Variants in NT5DC2 observed in about 807,000 individuals in gnomAD.
NT5DC2 encodes 5'-nucleotidase domain containing 2.
In NT5DC2, 41 loss-of-function variants were observed where a neutral mutation model predicts 70.0. The observed-to-expected ratio is 0.59, with a 90% CI of 0.46 to 0.76. NT5DC2 has a LOEUF of 0.76. Among genes scored for constraint, NT5DC2 ranks in the 30% least tolerant of loss-of-function variants. NT5DC2 has a pLI of 0.00. For missense variants in NT5DC2, 705 were observed against 783.2 expected (o/e 0.90, Z 1.19); for synonymous variants, 299 against 310.4 (o/e 0.96, Z 0.39).
Position 52,529,682 on chromosome 3 carries a change from G to A in NT5DC2, c.233-348C>T, listed in dbSNP as rs2079334157. On this transcript the variant is annotated intron_variant, in intron 1 of 13. Transcript: ENST00000422318. This position sits in a 1 kb window ranked among gnomAD's most constrained non-coding sequence, Gnocchi z 4.1. The stretch of plus-strand genomic sequence containing the variant: ...ACAAGGCCATGCTAGAACCCTGGCA[G>A]CAGTCACTCAACTCCTCACCGCCTA... Among the ~76,000 whole-genome samples, 1 of 152,142 alleles carries A rather than the reference G, an allele frequency of 6.6e-6. No homozygotes were observed. The highest frequency in any genetic ancestry group is 1.5e-5 in the Non-Finnish European group (1 of 68,018).
Position 52,524,723 on chromosome 3 carries a change from G to GTGA in NT5DC2, c.1418_1420dup (p.Ile473dup), listed in dbSNP as rs765495632. 6.2e-7 allele frequency: 1 copy of GTGA among 1,612,742 alleles called. No individual in the cohort carries two copies. The highest frequency in any genetic ancestry group is 1.7e-5 in the Admixed American group (1 of 60,026). ...GAACTGCGCATTGAACAGGGCCTTG[G>GTGA]TGATGCACCTGGCGAGGGAGACACG... On this transcript the variant is annotated inframe_insertion, in exon 14 of 14. Transcript: ENST00000422318.
chr3:52,524,848 C>A lies in NT5DC2; in HGVS notation c.1381G>T (p.Ala461Ser), dbSNP rs1246349357. Residue 461 changes from alanine (A) to serine (S), a missense_variant, in exon 13 of 14, where the codon GCT becomes TCT. Transcript: ENST00000422318. The stretch of plus-strand genomic sequence containing the variant: ...TCCTGCCGCTCTTTCATCCAGGCAG[C>A]CAGCACCTGCCTCGACTCCGCGTCC... ...YQDAESRQVL[A>S]AWMKERQELR... is the part of the protein sequence containing the mutation. 1 of 1,612,618 alleles carries A rather than the reference C, an allele frequency of 6.2e-7. No homozygotes were observed. The highest frequency in any genetic ancestry group is 8.5e-7 in the Non-Finnish European group (1 of 1,180,026).
chr3:52,529,276 G>A lies in NT5DC2; in HGVS notation c.291C>T (p.Asn97=), dbSNP rs148646310. The change falls in exon 2 of 14, where the codon AAC becomes AAT. Residue 97 remains asparagine, a synonymous_variant. Coordinates refer to ENST00000422318, the MANE Select transcript of NT5DC2 (RefSeq NM_001134231.2). This position sits in a 1 kb window ranked among gnomAD's most constrained non-coding sequence, Gnocchi z 4.1. ...CCTCAACGTCACGCAGGCTGATCTCGTTGTTGGCGTAGATGGCTGCTGGGT... is the reference window on the plus strand; with the variant it reads ...CCTCAACGTCACGCAGGCTGATCTCATTGTTGGCGTAGATGGCTGCTGGGT... ...LLNPAAIYAN[N]EISLRDVEVY... is the part of the protein sequence containing the mutation. 30 of 1,613,944 alleles carry A rather than the reference G, an allele frequency of 1.9e-5. No individual in the cohort carries two copies. Among genetic ancestry groups the A allele is most frequent in the African/African-American group, 9.3e-5 (7 of 75,020 alleles).
rs762941427 is a variant in NT5DC2, at chr3:52,528,183, C to A, written c.771G>T (p.Thr257=). 7.4e-6 allele frequency: 12 copies of A among 1,613,016 alleles called. No homozygotes were observed. In the East Asian group the frequency reaches 2.4e-4, roughly 33 times the overall value. ...CCGAGGGCAGGCCCAGCATCCTCACCGTCACGTCCTTGTAGAGATGTGCTT... is the reference window on the plus strand; with the variant it reads ...CCGAGGGCAGGCCCAGCATCCTCACAGTCACGTCCTTGTAGAGATGTGCTT... ...FDQAHLYKDV[T]DAIRDVHVKG... is the part of the protein sequence containing the mutation. The change falls in exon 6 of 14, where the codon ACG becomes ACT. Residue 257 remains threonine, a splice_region_variant and synonymous_variant. Transcript: ENST00000422318.
rs555086801 is a variant in NT5DC2 at position 52,527,847 on chromosome 3, T to C, written c.917A>G (p.Asn306Ser). The C allele has an allele frequency of 1.1e-5, 18 of 1,613,400 alleles. No homozygotes were observed. The highest frequency in any genetic ancestry group is 7.7e-5 in the South Asian group (7 of 91,090). ...AHGKQLFLIT[N>S]SPFSFVDKGM... The stretch of plus-strand genomic sequence containing the variant: ...GACTCACACGAAGCTGAAAGGACTG[T>C]TGGTGATGAGGAACAGCTGTTTCCC... Residue 306 changes from asparagine to serine, a missense_variant, in exon 8 of 14, where the codon AAC (asparagine) becomes AGC (serine). Transcript: ENST00000422318.
Position 52,533,796 on chromosome 3 carries a change from C to CGCCGCCA in NT5DC2, c.-60_-59insTGGCGGC. 2 of 977,010 alleles carry CGCCGCCA rather than the reference C, an allele frequency of 2.0e-6. No homozygotes were observed. Among genetic ancestry groups the CGCCGCCA allele is most frequent in the South Asian group, 4.6e-5 (1 of 21,914 alleles). The allele number at this position is 977,010 out of a possible 1,614,324, so 60.5% of individuals were successfully genotyped here. On this transcript the variant is annotated 5_prime_UTR_variant, in exon 1 of 14. Coordinates refer to ENST00000422318, the MANE Select transcript of NT5DC2 (RefSeq NM_001134231.2). Reference sequence around the variant, plus strand: ...CTCGGCCAGCCCGCCGCCCGCCGCCCGCCGCCCTCCGACTGCGCGCCCGCC... The same window carrying CGCCGCCA: ...CTCGGCCAGCCCGCCGCCCGCCGCCCGCCGCCAGCCGCCCTCCGACTGCGCGCCCGCC...
At chr3:52,526,800 C>T (rs1201886962) in intron 10 of NT5DC2, among the ~76,000 whole-genome samples, 3 of 152,176 alleles carry the variant, frequency 2.0e-5, no homozygotes, top group Admixed American at 2.0e-4. Flanking sequence ...GCTGGGACCA[C>T]AGGTGCATGC....
intron 11 of NT5DC2, 53 bp from the exon 12 acceptor site, chr3:52,525,156 G>C (rs947235669): frequency 6.1e-5 from 76 of 1,250,522 alleles, no homozygotes; most frequent in Middle Eastern, 4.2e-4. Flanking sequence ...GGGGGCGGGG[G>C]GGGGGGGGTT....
At chr3:52,532,571 G>A in intron 1 of NT5DC2, 5 of 934,952 alleles carry the variant, frequency 5.3e-6, no homozygotes, top group Non-Finnish European at 6.4e-6. Context: ...TGTTTTATCA[G>A]ACAACAAAAG....
chr3:52,526,506 C>A (rs545128335), intron 10 of NT5DC2: 6 of 152,424 alleles, frequency 3.9e-5, no homozygotes, highest in African/African-American at 1.4e-4. Flanking sequence ...CTAATCCCAC[C>A]TCAACACCAG....
chr3:52,525,159 G>A (rs770438362), intron 11 of NT5DC2, 50 bp downstream of exon 11: 36 of 1,430,418 alleles, frequency 2.5e-5, no homozygotes, highest in Non-Finnish European at 2.2e-5. Context: ...GGCGGGGGGG[G>A]GGGGGTTTCC....
chr3:52,533,608 G>C lies in NT5DC2; in HGVS notation c.130C>G (p.Pro44Ala). The C allele has an allele frequency of 8.0e-7, 1 of 1,243,460 alleles. No individual in the cohort carries two copies. The highest frequency in any genetic ancestry group is 1.0e-6 in the Non-Finnish European group (1 of 994,658). The allele number at this position is 1,243,460 out of a possible 1,614,324, so 77.0% of individuals were successfully genotyped here. ...CGPPGPGAHC[P>A]GVPRSAPAQA... ...GCGGGCGCGGAGCGCGGGACGCCGGGGCAGTGGGCGCCGGGACCCGGGGGG... is the reference window on the plus strand; with the variant it reads ...GCGGGCGCGGAGCGCGGGACGCCGGCGCAGTGGGCGCCGGGACCCGGGGGG... Residue 44 changes from proline (P) to alanine (A), a missense_variant, in exon 1 of 14, where the codon CCC becomes GCC. Transcript: ENST00000422318.
rs1039223621 is a variant in NT5DC2 at position 52,524,434 on chromosome 3, G to A, written c.*36C>T. On this transcript the variant is annotated 3_prime_UTR_variant, in exon 14 of 14. Coordinates refer to ENST00000422318, the MANE Select transcript of NT5DC2 (RefSeq NM_001134231.2). ...GCTTGTCTGGGTGGATGGGGCAGGA[G>A]GGGCTGAGGGCCTGTCCCAGACAAT... The A allele has an allele frequency of 3.1e-6, 5 of 1,611,878 alleles. No homozygotes were observed. The highest frequency in any genetic ancestry group is 4.2e-6 in the Non-Finnish European group (5 of 1,179,272).
In NT5DC2 at chr3:52,527,284, T is replaced by C; in HGVS notation, c.1119+10A>G. 6.2e-7 allele frequency: 1 copy of C among 1,613,672 alleles called. No individual in the cohort carries two copies. Among genetic ancestry groups the C allele is most frequent in the South Asian group, 1.1e-5 (1 of 91,070 alleles). Reference sequence around the variant, plus strand: ...CCCACCACATGCTGCTCTCCCCAGATGGCCCTTACCTGCCGATAGATCTTG... The same window carrying C: ...CCCACCACATGCTGCTCTCCCCAGACGGCCCTTACCTGCCGATAGATCTTG... On this transcript the variant is annotated intron_variant, in intron 10 of 13. Coordinates refer to ENST00000422318, the MANE Select transcript of NT5DC2 (RefSeq NM_001134231.2).
In NT5DC2 at chr3:52,529,056, G is replaced by C; in HGVS notation, c.417+94C>G. ...GGCAGCTGCCAGGCAAGAGGGCCAG[G>C]GGAGCCCCACGACTCAGCCCTGAGC... On this transcript the variant is annotated intron_variant, in intron 2 of 13. Transcript: ENST00000422318. This position sits in a 1 kb window ranked among gnomAD's most constrained non-coding sequence, Gnocchi z 4.1. 6.3e-7 allele frequency: 1 copy of C among 1,590,710 alleles called. No individual in the cohort carries two copies. The highest frequency in any genetic ancestry group is 8.6e-7 in the Non-Finnish European group (1 of 1,161,294).
chr3:52,533,765 G>T lies in NT5DC2; in HGVS notation c.-28C>A. 1 of 953,968 alleles carries T rather than the reference G, an allele frequency of 1.0e-6. No individual in the cohort carries two copies. The highest frequency in any genetic ancestry group is 1.2e-6 in the Non-Finnish European group (1 of 814,696). The allele number at this position is 953,968 out of a possible 1,614,324, so 59.1% of individuals were successfully genotyped here. On this transcript the variant is annotated 5_prime_UTR_variant, in exon 1 of 14. Transcript: ENST00000422318. Reference sequence around the variant, plus strand: ...CCACCGCGCGCCGCCCGCCGCCCGCGCTGCCCTCGGCCAGCCCGCCGCCCG... The same window carrying T: ...CCACCGCGCGCCGCCCGCCGCCCGCTCTGCCCTCGGCCAGCCCGCCGCCCG...
At position 52,529,804 on chromosome 3, in the gene NT5DC2, C is replaced by T. The variant is rs908946014; in HGVS notation, c.233-470G>A. 2.1e-5 allele frequency: 4 copies of T among 189,628 alleles called. No homozygotes were observed. The highest frequency in any genetic ancestry group is 4.5e-5 in the Non-Finnish European group (4 of 89,214). The allele number at this position is 189,628 out of a possible 1,614,324, so 11.7% of individuals were successfully genotyped here. A position where few individuals can be genotyped will look rare whatever the true frequency, so the allele number is the denominator to read the frequency against. The stretch of plus-strand genomic sequence containing the variant: ...CACCACTGTCTGGCCCCCCACAATT[C>T]AGCGCCTCCTCTGCTCCTCTCAGCT... On this transcript the variant is annotated intron_variant, in intron 1 of 13. Transcript: ENST00000422318. The surrounding 1 kb of genome is among the most constrained non-coding windows in gnomAD (Gnocchi z 4.1).
rs766697581 is a variant in NT5DC2, at chr3:52,528,310, C to T, written c.644G>A (p.Gly215Asp). Residue 215 changes from glycine to aspartate, a missense_variant and splice_region_variant, in exon 6 of 14, where the codon GGT (glycine) becomes GAT (aspartate). Transcript: ENST00000422318. Reference sequence around the variant, plus strand: ...GTCCATGAACTGCTTAATGGAGGGACCCTGGGGAGGGGGCCATTGTCTCAG... The same window carrying T: ...GTCCATGAACTGCTTAATGGAGGGATCCTGGGGAGGGGGCCATTGTCTCAG... Reference protein sequence around the residue: ...LYQMSGFYGKGPSIKQFMDIF... With the variant: ...LYQMSGFYGKDPSIKQFMDIF... The T allele has an allele frequency of 3.1e-6, 5 of 1,613,142 alleles. No homozygotes were observed. The African/African-American group carries it at 5.3e-5, about 17-fold the overall frequency.
At position 52,525,250 on chromosome 3, in the gene NT5DC2, G is replaced by A. The variant is rs200773348; in HGVS notation, c.1165C>T (p.Arg389Cys). ...FLRLTEWRGPRVLYFGDHLYS... is the reference protein window; with the variant it reads ...FLRLTEWRGPCVLYFGDHLYS... The stretch of plus-strand genomic sequence containing the variant: ...AGGTGGTCCCCGAAGTAGAGCACGC[G>A]GGGGCCACGCCATTCCGTCAAGCGT... The change falls in exon 11 of 14, where the codon CGC becomes TGC. Residue 389 changes from arginine to cysteine, a missense_variant. By Grantham distance (180) the Arg-to-Cys change is radical. Transcript: ENST00000422318. 1.8e-5 allele frequency: 29 copies of A among 1,612,708 alleles called. No homozygotes were observed. Among genetic ancestry groups the A allele is most frequent in the Middle Eastern group, 1.6e-4 (1 of 6,062 alleles).
Sources: allele counts gnomAD v4.1 joint callset (sites outside exome capture counted in the v4.1 genomes callset), GRCh38; gene constraint gnomAD v4.1.1; non-coding constraint Gnocchi (gnomAD v3.1); transcripts MANE v1.5; gene names NCBI Gene and HGNC (gene_info 2026-07-23, HGNC 2026-07-21).